Variants in HS3ST3B1 observed in about 807,000 individuals in gnomAD.
HS3ST3B1 encodes heparan sulfate-glucosamine 3-sulfotransferase 3B1.
HS3ST3B1 carries 13 observed loss-of-function variants against 21.3 expected under a neutral mutation model. The observed-to-expected ratio is 0.61, with a 90% CI of 0.40 to 0.97. The LOEUF (loss-of-function observed/expected upper bound fraction) is 0.97. HS3ST3B1 is among the 50% of genes least tolerant of loss of function. The probability of loss-of-function intolerance (pLI) is 0.00; values close to 1 mark genes in which losing one functional copy is unlikely to be tolerated. For synonymous variants in HS3ST3B1, 234 were observed against 254.8 expected, an observed-to-expected ratio of 0.92 and a Z score of 0.78; for missense variants, 459 against 554.8, an observed-to-expected ratio of 0.83 and a Z score of 1.73.
chr17:14,332,829 CTTTT>C (rs71147859), intron 1 of HS3ST3B1, among the ~76,000 whole-genome samples: 1,657 of 91,028 alleles, frequency 0.018, 48 homozygotes, highest in African/African-American at 0.056. Context: ...GACCTTTTAT[CTTTT>C]TTTTTTTTTT....
In HS3ST3B1 at chr17:14,347,312, G is replaced by A. The variant is rs1430371944; in HGVS notation, c.*1666G>A. On this transcript the variant is annotated 3_prime_UTR_variant, in exon 2 of 2. Coordinates refer to ENST00000360954, the MANE Select transcript of HS3ST3B1 (RefSeq NM_006041.3). ...TTGATTTATAACAGTTGGGTAACCA[G>A]ATAGCAATATAGTGGCAATTGAGTA... 2 of 152,236 alleles carry A rather than the reference G, an allele frequency of 1.3e-5. No homozygotes were observed. Among genetic ancestry groups the A allele is most frequent in the Non-Finnish European group, 2.9e-5 (2 of 68,040 alleles). 9.4% of individuals were successfully genotyped at this position (152,236 alleles called of 1,614,324 possible).
rs146491909 is a variant in HS3ST3B1, at chr17:14,332,197, G to T, written c.555-12831G>T. Among the ~76,000 whole-genome samples the T allele has an allele frequency of 3.2e-4, 49 of 152,266 alleles. 1 individual carries two copies. The highest frequency in any genetic ancestry group is 1.1e-3 in the African/African-American group (47 of 41,552). On this transcript the variant is annotated intron_variant, in intron 1 of 1. Coordinates refer to ENST00000360954, the MANE Select transcript of HS3ST3B1 (RefSeq NM_006041.3). ...GGATGTATAAGGTCATGTAGAAAGAGCCCAGGCTGTTTTTGGGGGGTGAAT... is the reference window on the plus strand; with the variant it reads ...GGATGTATAAGGTCATGTAGAAAGATCCCAGGCTGTTTTTGGGGGGTGAAT...
chr17:14,317,181 G>C (rs1176585226), intron 1 of HS3ST3B1, among the ~76,000 whole-genome samples: 1 of 152,206 alleles, frequency 6.6e-6, no homozygotes, highest in Non-Finnish European at 1.5e-5. Context: ...ATCTTTTAAA[G>C]GGAAATTTAA....
intron 1 of HS3ST3B1, among the ~76,000 whole-genome samples, chr17:14,310,722 A>G (rs145020660): frequency 7.7e-4 from 117 of 152,238 alleles, no homozygotes; most frequent in African/African-American, 2.7e-3. Context: ...GTGTACCGGA[A>G]ACTCTCTTGG....
At chr17:14,322,471 T>A (rs749586671) in intron 1 of HS3ST3B1, among the ~76,000 whole-genome samples, 2 of 152,154 alleles carry the variant, frequency 1.3e-5, no homozygotes, top group African/African-American at 2.4e-5. Flanking sequence ...GGGAGAACCA[T>A]CTTCTGATAA....
In HS3ST3B1 at chr17:14,302,020, G is replaced by A; in HGVS notation, c.502G>A (p.Ala168Thr). The A allele has an allele frequency of 6.2e-7, 1 of 1,608,434 alleles. No individual in the cohort carries two copies. The highest frequency in any genetic ancestry group is 1.7e-5 in the Admixed American group (1 of 59,754). Reference protein sequence around the residue: ...RVHPDVRAVGAEPHFFDRSYD... With the variant: ...RVHPDVRAVGTEPHFFDRSYD... The stretch of plus-strand genomic sequence containing the variant: ...GCACCCCGACGTGCGCGCCGTGGGC[G>A]CCGAGCCCCATTTCTTCGATCGCAG... The change falls in exon 1 of 2, where the codon GCC (alanine) becomes ACC (threonine). Residue 168 changes from alanine (A) to threonine (T), a missense_variant. Ala to Thr is a moderately conservative substitution (Grantham distance 58). Coordinates refer to ENST00000360954, the MANE Select transcript of HS3ST3B1 (RefSeq NM_006041.3).
In HS3ST3B1 at chr17:14,301,622, T is replaced by C. The variant is rs1419170497; in HGVS notation, c.104T>C (p.Leu35Pro). 3.7e-6 allele frequency: 6 copies of C among 1,607,010 alleles called. No homozygotes were observed. The highest frequency in any genetic ancestry group is 3.3e-5 in the South Asian group (3 of 90,780). ...CCGCCGGTGAGGAGGAAGCTCGCGC[T>C]GCTCTTCGCCATGCTCTGCGTCTGG... Reference protein sequence around the residue: ...PPPPVRRKLALLFAMLCVWLY... With the variant: ...PPPPVRRKLAPLFAMLCVWLY... Residue 35 changes from leucine (L) to proline (P), a missense_variant, in exon 1 of 2, where the codon CTG becomes CCG. Physicochemically the swap from Leu to Pro is moderately conservative, Grantham distance 98 (BLOSUM62 -3). Transcript: ENST00000360954.
rs1910553339 is a variant in HS3ST3B1 at position 14,345,809 on chromosome 17, ATC to A, written c.*165_*166del. The stretch of plus-strand genomic sequence containing the variant: ...CACTCTTTAGAGAGTTAGCTTCATA[ATC>A]TGTTAACATTCCAAAGTGTTTAACT... On this transcript the variant is annotated 3_prime_UTR_variant, in exon 2 of 2. Transcript: ENST00000360954. The A allele has an allele frequency of 1.8e-5, 16 of 878,092 alleles. No individual in the cohort carries two copies. The East Asian group carries it at 4.5e-4, about 25-fold the overall frequency. The allele number at this position is 878,092 out of a possible 1,614,324, so 54.4% of individuals were successfully genotyped here. A position where few individuals can be genotyped will look rare whatever the true frequency, so the allele number is the denominator to read the frequency against.
Position 14,301,431 on chromosome 17 carries a change from G to T in HS3ST3B1, c.-88G>T, listed in dbSNP as rs1324514183. On this transcript the variant is annotated 5_prime_UTR_variant, in exon 1 of 2. Transcript: ENST00000360954. Reference sequence around the variant, plus strand: ...AAACCGAGCCACCCGGGCGTCCAGCGTGCCGGGGAACCCTCTCTGCGCTCA... The same window carrying T: ...AAACCGAGCCACCCGGGCGTCCAGCTTGCCGGGGAACCCTCTCTGCGCTCA... 9.9e-6 allele frequency: 12 copies of T among 1,210,790 alleles called. No individual in the cohort carries two copies. Among genetic ancestry groups the T allele is most frequent in the Non-Finnish European group, 1.3e-5 (12 of 934,282 alleles). 75.0% of individuals were successfully genotyped at this position (1,210,790 alleles called of 1,614,324 possible).
chr17:14,311,692 C>G (rs941687101), intron 1 of HS3ST3B1, among the ~76,000 whole-genome samples: 1 of 152,152 alleles, frequency 6.6e-6, no homozygotes, highest in Admixed American at 6.5e-5. Context: ...TGCACTTGCT[C>G]TTATCAAGTA....
rs1348643738 is a variant in HS3ST3B1, at chr17:14,301,887, C to G, written c.369C>G (p.Ser123Arg). Residue 123 changes from serine to arginine, a missense_variant, in exon 1 of 2, where the codon AGC (serine) becomes AGG (arginine). Physicochemically the swap from Ser to Arg is moderately radical, Grantham distance 110. This residue lies in a region of HS3ST3B1 where 317 missense variants were observed against 278.6 expected (regional missense o/e 1.14). Transcript: ENST00000360954. Reference sequence around the variant, plus strand: ...GTCCCGAGGTGCCGGACTCCCCAAGCCCCATCTCCAGCTTTTTCAGTGGGT... The same window carrying G: ...GTCCCGAGGTGCCGGACTCCCCAAGGCCCATCTCCAGCTTTTTCAGTGGGT... ...EQSPEVPDSP[S>R]PISSFFSGSG... The G allele has an allele frequency of 6.2e-7, 1 of 1,607,728 alleles. No homozygotes were observed. Among genetic ancestry groups the G allele is most frequent in the East Asian group, 2.2e-5 (1 of 44,654 alleles).
chr17:14,302,167 G>T, intron 1 of HS3ST3B1, 95 bp downstream of exon 1: 3 of 1,397,286 alleles, frequency 2.1e-6, no homozygotes, highest in Non-Finnish European at 2.9e-6. Flanking sequence ...CAGGGTTACA[G>T]CTTCGGACCA....
chr17:14,339,245 A>T (rs75206945), intron 1 of HS3ST3B1, among the ~76,000 whole-genome samples: 6,214 of 152,264 alleles, frequency 0.041, 175 homozygotes, highest in East Asian at 0.13. Flanking sequence ...TCCAGGCCTC[A>T]TAGAAGGCAG....
intron 1 of HS3ST3B1, among the ~76,000 whole-genome samples, chr17:14,311,237 TAAA>T (rs5819469): frequency 1.8e-4 from 23 of 130,796 alleles, no homozygotes; most frequent in East Asian, 4.5e-4. Flanking sequence ...CCTGGCTAAT[TAAA>T]AAAAAAAAAA....
At chr17:14,316,730 G>A (rs964391485) in intron 1 of HS3ST3B1, among the ~76,000 whole-genome samples, 1 of 152,180 alleles carries the variant, frequency 6.6e-6, no homozygotes, top group Non-Finnish European at 1.5e-5. Context: ...TCCCCCTTTT[G>A]TGTGGCCAAG....
At chr17:14,341,009 A>G (rs1467444208) in intron 1 of HS3ST3B1, among the ~76,000 whole-genome samples, 2 of 152,210 alleles carry the variant, frequency 1.3e-5, no homozygotes, top group African/African-American at 2.4e-5. Flanking sequence ...TTTCTGACAC[A>G]TGTGGACAAA....
At chr17:14,343,751 G>A (rs1183872942) in intron 1 of HS3ST3B1, among the ~76,000 whole-genome samples, 1 of 152,146 alleles carries the variant, frequency 6.6e-6, no homozygotes, top group Non-Finnish European at 1.5e-5. Flanking sequence ...AGACACTTAA[G>A]TTGCTTCCAT....
intron 1 of HS3ST3B1, among the ~76,000 whole-genome samples, chr17:14,316,134 C>T (rs1909490724): frequency 6.6e-6 from 1 of 152,142 alleles, no homozygotes; most frequent in Non-Finnish European, 1.5e-5. Context: ...TCTCCATCCA[C>T]CTTTACCCCT....
chr17:14,316,378 G>A (rs987254354), intron 1 of HS3ST3B1, among the ~76,000 whole-genome samples: 14 of 152,328 alleles, frequency 9.2e-5, no homozygotes, highest in African/African-American at 2.6e-4. Context: ...ATTTCAAGTC[G>A]GGTCTTGCTT....
Sources: allele counts gnomAD v4.1 joint callset (sites outside exome capture counted in the v4.1 genomes callset), GRCh38; gene constraint gnomAD v4.1.1; regional missense constraint gnomAD v4.1.1; transcripts MANE v1.5; gene names NCBI Gene and HGNC (gene_info 2026-07-23, HGNC 2026-07-21).